The following RBFOX1 variants were observed in gnomAD, a reference collection of about 807,000 sequenced individuals.
RBFOX1 encodes RNA binding protein fox-1 homolog 1.
Under a neutral mutation model 57.7 loss-of-function variants are expected in RBFOX1, and 8 were observed. That is an observed-to-expected ratio of 0.14 (90% CI 0.08 to 0.25). The LOEUF (loss-of-function observed/expected upper bound fraction) is 0.25, where lower values mean the gene tolerates loss of function less well. Ranked by LOEUF, RBFOX1 falls within the 10% of genes least tolerant of loss-of-function variation. RBFOX1 has a pLI of 1.00. For missense variants in RBFOX1, 611 were observed against 548.5 expected (o/e 1.11, Z -1.14); for synonymous variants, 326 against 222.4 (o/e 1.47, Z -4.15).
At chr16:5,266,608 C>T (rs1324951175) in intron 1 of RBFOX1, among the ~76,000 whole-genome samples, 1 of 141,920 alleles carries the variant, frequency 7.0e-6, no homozygotes, top group Non-Finnish European at 1.5e-5. Context: ...AGCACAGTGG[C>T]ACGATCATGG....
intron 3 of RBFOX1, among the ~76,000 whole-genome samples, chr16:5,712,559 C>T (rs1596900976): frequency 1.3e-5 from 2 of 152,160 alleles, no homozygotes; most frequent in Admixed American, 6.5e-5. Flanking sequence ...GTTCTAGGGG[C>T]TTTTCATCAT....
intron 4 of RBFOX1, among the ~76,000 whole-genome samples, chr16:7,260,919 G>T (rs748165634): frequency 6.6e-6 from 1 of 152,168 alleles, no homozygotes; most frequent in Non-Finnish European, 1.5e-5. Flanking sequence ...CCATCATTAC[G>T]GTGAATGCTA....
intron 1 of RBFOX1, among the ~76,000 whole-genome samples, chr16:6,131,431 C>T (rs571129732): frequency 6.6e-6 from 1 of 152,188 alleles, no homozygotes; most frequent in South Asian, 2.1e-4. Flanking sequence ...TATTTATGAT[C>T]TAGCCCTTTC....
intron 4 of RBFOX1, among the ~76,000 whole-genome samples, chr16:7,333,803 A>C (rs533042590): frequency 6.6e-6 from 1 of 152,224 alleles, no homozygotes; most frequent in South Asian, 2.1e-4. Context: ...TTTTCTTTGC[A>C]AGCAGGTATT....
intron 3 of RBFOX1, among the ~76,000 whole-genome samples, chr16:5,631,816 C>G (rs558593474): frequency 8.5e-5 from 13 of 152,246 alleles, no homozygotes; most frequent in East Asian, 3.9e-4. Flanking sequence ...TCTAGATGAG[C>G]TTTTCTCTTA....
At chr16:7,485,451 C>G (rs1339158587) in intron 4 of RBFOX1, among the ~76,000 whole-genome samples, 2 of 152,182 alleles carry the variant, frequency 1.3e-5, no homozygotes, top group African/African-American at 4.8e-5. Context: ...TTCCTTGAAT[C>G]CAGCTGAATG....
intron 4 of RBFOX1, among the ~76,000 whole-genome samples, chr16:7,391,563 G>C (rs192584118): frequency 1.3e-5 from 2 of 152,074 alleles, no homozygotes; most frequent in East Asian, 3.9e-4. Context: ...TCACTGACTT[G>C]GTTAAGTACC....
At chr16:5,436,243 G>T (rs959601005) in intron 1 of RBFOX1, among the ~76,000 whole-genome samples, 7 of 152,202 alleles carry the variant, frequency 4.6e-5, no homozygotes, top group Admixed American at 3.9e-4. Context: ...ACTTACCTGT[G>T]TTCCTTTTCT....
chr16:7,431,674 C>T (rs1357051835), intron 4 of RBFOX1, among the ~76,000 whole-genome samples: 1 of 152,226 alleles, frequency 6.6e-6, no homozygotes, highest in Non-Finnish European at 1.5e-5. Context: ...TCAAAAGGAA[C>T]CCCATATCCA....
intron 3 of RBFOX1, among the ~76,000 whole-genome samples, chr16:5,811,435 A>G (rs1597346399): frequency 6.8e-6 from 1 of 146,032 alleles, no homozygotes; most frequent in Non-Finnish European, 1.5e-5. Context: ...GAGCCAATGC[A>G]CCCAGCTGGA....
At position 5,642,616 on chromosome 16, in the gene RBFOX1, C is replaced by T. The variant is rs371926727; in HGVS notation, c.318+43655C>T. On this transcript the variant is annotated intron_variant, in intron 3 of 19. Transcript: ENST00000641259. The stretch of plus-strand genomic sequence containing the variant: ...AACTTGAATGTGCCTAGCCGCCCCC[C>T]CTTCCCCAGCCACCCAGCCTCATGT... Among the ~76,000 whole-genome samples the T allele has an allele frequency of 3.9e-5, 6 of 152,084 alleles. No individual in the cohort carries two copies. In the East Asian group the frequency reaches 5.8e-4, roughly 15 times the overall value.
At chr16:7,635,329 C>T (rs779873460) in intron 11 of RBFOX1, among the ~76,000 whole-genome samples, 17 of 152,266 alleles carry the variant, frequency 1.1e-4, no homozygotes, top group South Asian at 2.1e-4. Flanking sequence ...TCCAGAAGCA[C>T]GTAAATGTTT....
intron 5 of RBFOX1, among the ~76,000 whole-genome samples, chr16:7,545,732 G>C (rs1015862615): frequency 6.6e-6 from 1 of 152,110 alleles, no homozygotes; most frequent in African/African-American, 2.4e-5. Flanking sequence ...GTTCTTTCCA[G>C]ACAGAGGTGG....
intron 2 of RBFOX1, among the ~76,000 whole-genome samples, chr16:5,481,874 A>C (rs184582110): frequency 5.8e-4 from 88 of 152,286 alleles, no homozygotes; most frequent in African/African-American, 2.1e-3. Context: ...TGTCCTAATC[A>C]AAGGATGCCA....
At chr16:6,621,305 C>CAAA (rs35821618) in intron 2 of RBFOX1, among the ~76,000 whole-genome samples, 15 of 151,348 alleles carry the variant, frequency 9.9e-5, no homozygotes, top group African/African-American at 3.6e-4. Context: ...ACTAAAAATA[C>CAAA]AAAAAAAAAT....
At chr16:5,496,552 C>G (rs942121159) in intron 2 of RBFOX1, among the ~76,000 whole-genome samples, 2 of 152,128 alleles carry the variant, frequency 1.3e-5, no homozygotes, top group Non-Finnish European at 2.9e-5. Flanking sequence ...CACTTGTTAT[C>G]AGGCATCATT....
At chr16:6,439,454 G>A (rs1157795521) in intron 2 of RBFOX1, among the ~76,000 whole-genome samples, 1 of 152,176 alleles carries the variant, frequency 6.6e-6, no homozygotes, top group Non-Finnish European at 1.5e-5. Flanking sequence ...AAATGCCTGG[G>A]CAAGTGATGG....
intron 5 of RBFOX1, among the ~76,000 whole-genome samples, chr16:7,564,873 C>T (rs770959345): frequency 6.6e-6 from 1 of 152,164 alleles, no homozygotes; most frequent in Admixed American, 6.5e-5. Context: ...CTTCTCCTTT[C>T]AGAGGAATTT....
At chr16:6,387,452 T>C (rs1353523097) in intron 2 of RBFOX1, among the ~76,000 whole-genome samples, 1 of 143,200 alleles carries the variant, frequency 7.0e-6, no homozygotes, top group Non-Finnish European at 1.5e-5. Flanking sequence ...CCACCCTAGA[T>C]ATGAAAGGAC....
Sources: gnomAD v4.1 joint callset for allele counts (sites outside exome capture counted in the v4.1 genomes callset) on GRCh38, gnomAD v4.1.1 for gene constraint, MANE v1.5 for transcripts, NCBI Gene and HGNC (gene_info 2026-07-23, HGNC 2026-07-21) for gene names.